Variants in PIK3R6 observed in about 807,000 individuals in gnomAD.
The protein encoded by PIK3R6 is phosphoinositide-3-kinase regulatory subunit 6.
A neutral mutation model predicts 84.9 loss-of-function variants in PIK3R6; 91 were observed. That is an observed-to-expected ratio of 1.07 (90% confidence interval 0.90 to 1.28). The LOEUF is 1.28. PIK3R6 is among the 50% of genes most tolerant of loss of function. The pLI is 0.00. For missense variants in PIK3R6, 996 were observed against 985.1 expected, an observed-to-expected ratio of 1.01 and a Z score of -0.15; for synonymous variants, 416 against 411.4, an observed-to-expected ratio of 1.01 and a Z score of -0.13.
chr17:8,825,359 C>A (rs443227), intron 13 of PIK3R6, among the ~76,000 whole-genome samples: 1 of 152,092 alleles, frequency 6.6e-6, no homozygotes, highest in Non-Finnish European at 1.5e-5. Context: ...TAAGCATATT[C>A]TGAAAAGTTT....
At chr17:8,824,909 C>G (rs2087868865) in intron 13 of PIK3R6, among the ~76,000 whole-genome samples, 1 of 152,018 alleles carries the variant, frequency 6.6e-6, no homozygotes, top group African/African-American at 2.4e-5. Flanking sequence ...AATGATAAAG[C>G]AAAATGGAGA....
Position 8,848,543 on chromosome 17 carries a change from C to T in PIK3R6, c.13+1239G>A, listed in dbSNP as rs977041632. ...CACTGAGTACTGTAGGCAGTTGTCA[C>T]ACAATGGTATCTGTGTGTCTAAACA... is the stretch of plus-strand genomic sequence containing the variant. On this transcript the variant is annotated intron_variant, in intron 2 of 19. Coordinates refer to ENST00000619866, the MANE Select transcript of PIK3R6 (RefSeq NM_001010855.4). 4.0e-5 allele frequency among the ~76,000 whole-genome samples: 6 copies of T among 151,664 alleles called. No homozygotes were observed. The East Asian group carries it at 1.2e-3, about 29-fold the overall frequency.
chr17:8,837,062 T>C (rs1188292559), intron 5 of PIK3R6, 139 bp from the exon 6 acceptor site: 3 of 666,382 alleles, frequency 4.5e-6, no homozygotes, highest in African/African-American at 1.8e-5. Context: ...CAGCCAGACC[T>C]GGGCTCACAG....
intron 2 of PIK3R6, among the ~76,000 whole-genome samples, chr17:8,847,479 A>G (rs1413818551): frequency 2.0e-5 from 3 of 152,190 alleles, no homozygotes; most frequent in Non-Finnish European, 4.4e-5. Context: ...GGAGGACTCC[A>G]AGAGCTGTGG....
At chr17:8,837,776 C>T (rs2151272450) in intron 5 of PIK3R6, 27 bp downstream of exon 5, 1 of 1,596,148 alleles carries the variant, frequency 6.3e-7, no homozygotes, top group South Asian at 1.1e-5. Context: ...GTCACCACTA[C>T]CACCTCGACC....
At chr17:8,822,890 A>G in intron 15 of PIK3R6, 106 bp downstream of exon 15, 1 of 1,055,978 alleles carries the variant, frequency 9.5e-7, no homozygotes, top group South Asian at 1.3e-5. Flanking sequence ...AGGGACAAGC[A>G]CTGAGGGTGT....
At chr17:8,853,499 ATAATAAT>A (rs1567611000) in intron 1 of PIK3R6, among the ~76,000 whole-genome samples, 7 of 135,262 alleles carry the variant, frequency 5.2e-5, no homozygotes, top group South Asian at 2.2e-4. Flanking sequence ...AAAAAAAAAA[ATAATAAT>A]AATAATAATA....
At chr17:8,817,782 G>T (rs2151197032) in intron 18 of PIK3R6, among the ~76,000 whole-genome samples, 1 of 152,330 alleles carries the variant, frequency 6.6e-6, no homozygotes, top group Middle Eastern at 3.4e-3. Context: ...GGTGGTCGTG[G>T]GTAGAAGAGT....
chr17:8,808,657 T>C (rs2087271000), intron 18 of PIK3R6, among the ~76,000 whole-genome samples: 1 of 152,118 alleles, frequency 6.6e-6, no homozygotes. Flanking sequence ...AGTCAAAAAC[T>C]CAGGTATGAA....
At chr17:8,804,301 C>T (rs2087134952) in intron 18 of PIK3R6, 148 bp from the exon 19 acceptor site, 8 of 665,868 alleles carry the variant, frequency 1.2e-5, no homozygotes, top group Non-Finnish European at 2.2e-5. Flanking sequence ...GGAGTGACAA[C>T]CCTGCACAAA....
At chr17:8,807,626 G>T (rs908081031) in intron 18 of PIK3R6, among the ~76,000 whole-genome samples, 2 of 152,134 alleles carry the variant, frequency 1.3e-5, no homozygotes, top group African/African-American at 4.8e-5. Context: ...GAGGAATGAG[G>T]TTTCAGGTCA....
chr17:8,837,687 T>A, intron 5 of PIK3R6, 116 bp downstream of exon 5: 2 of 894,608 alleles, frequency 2.2e-6, no homozygotes, highest in South Asian at 3.1e-5. Flanking sequence ...GGGCAGGCAA[T>A]CCAAGGGATT....
rs550761278 is a variant in PIK3R6 at position 8,846,589 on chromosome 17, G to A, written c.13+3193C>T. ...TTAACAATATTGATTCTTCCAATCCGTGACCATTGGAATAGTTTTCCATTT... is the reference window on the plus strand; with the variant it reads ...TTAACAATATTGATTCTTCCAATCCATGACCATTGGAATAGTTTTCCATTT... On this transcript the variant is annotated intron_variant, in intron 2 of 19. Transcript: ENST00000619866. Among the ~76,000 whole-genome samples the A allele has an allele frequency of 2.6e-5, 4 of 152,174 alleles. No individual in the cohort carries two copies. The South Asian group carries it at 8.3e-4, about 32-fold the overall frequency.
intron 18 of PIK3R6, among the ~76,000 whole-genome samples, chr17:8,814,296 T>C (rs1016757679): frequency 6.9e-6 from 1 of 144,820 alleles, no homozygotes; most frequent in African/African-American, 2.6e-5. Context: ...CTCGGCTCAC[T>C]GCAACCTCCG....
intron 1 of PIK3R6, among the ~76,000 whole-genome samples, chr17:8,860,477 C>A (rs936925491): frequency 2.2e-4 from 25 of 112,820 alleles, no homozygotes; most frequent in African/African-American, 7.4e-4. Context: ...CCCAGTAAAC[C>A]CCTACCCACC....
At chr17:8,831,284 C>T (rs1358746903) in intron 9 of PIK3R6, among the ~76,000 whole-genome samples, 9 of 131,384 alleles carry the variant, frequency 6.9e-5, no homozygotes, top group Non-Finnish European at 9.3e-5. Flanking sequence ...GAGCCATGAT[C>T]GAGCCACTGC....
intron 3 of PIK3R6, among the ~76,000 whole-genome samples, chr17:8,838,892 GGA>G (rs200350100): frequency 0.023 from 961 of 41,948 alleles, 11 homozygotes; most frequent in African/African-American, 0.15. Context: ...AGGGCAGGTG[GGA>G]CACACCAGTG....
At chr17:8,861,417 T>C (rs2089281791) in intron 1 of PIK3R6, among the ~76,000 whole-genome samples, 1 of 152,204 alleles carries the variant, frequency 6.6e-6, no homozygotes, top group Non-Finnish European at 1.5e-5. Context: ...ATCTGCAGTT[T>C]CACTTTCTGC....
intron 12 of PIK3R6, 52 bp from the exon 13 acceptor site, chr17:8,827,346 C>T: frequency 6.5e-7 from 1 of 1,533,384 alleles, no homozygotes; most frequent in Non-Finnish European, 8.8e-7. Context: ...CCAGCTCTGC[C>T]TTCCAGCTGC....
Sources: gnomAD v4.1 joint callset for allele counts (sites outside exome capture counted in the v4.1 genomes callset) on GRCh38, gnomAD v4.1.1 for gene constraint, MANE v1.5 for transcripts, NCBI Gene and HGNC (gene_info 2026-07-23, HGNC 2026-07-21) for gene names.